Variants in MCTP2 observed in about 807,000 individuals in gnomAD.
MCTP2 encodes multiple C2 and transmembrane domain-containing protein 2.
MCTP2 carries 132 observed loss-of-function variants against 111.6 expected under a neutral mutation model. The observed-to-expected ratio is 1.18, with a 90% CI of 1.03 to 1.37. The LOEUF (loss-of-function observed/expected upper bound fraction) is 1.37. Ranked by LOEUF, MCTP2 falls within the 40% of genes most tolerant of loss-of-function variation. The probability of loss-of-function intolerance (pLI) is 0.00; values close to 1 mark genes in which losing one functional copy is unlikely to be tolerated. For missense variants in MCTP2, 1,183 were observed against 1,067.9 expected (o/e 1.11, Z -1.50); for synonymous variants, 395 against 387.7 (o/e 1.02, Z -0.22).
intron 14 of MCTP2, among the ~76,000 whole-genome samples, chr15:94,397,280 T>C (rs2081326626): frequency 6.6e-6 from 1 of 152,168 alleles, no homozygotes; most frequent in South Asian, 2.1e-4. Context: ...ATTTACCAAA[T>C]TAAAAAATCC....
intron 14 of MCTP2, among the ~76,000 whole-genome samples, chr15:94,390,114 G>GTATATATA (rs1215325329): frequency 5.0e-5 from 1 of 20,090 alleles, no homozygotes; most frequent in Admixed American, 5.2e-4. Flanking sequence ...ATATATATAT[G>GTATATATA]TATATATATA....
At position 94,458,164 on chromosome 15, in the gene MCTP2, A is replaced by G; in HGVS notation, c.2278A>G (p.Arg760Gly). The G allele has an allele frequency of 6.2e-7, 1 of 1,611,150 alleles. No individual in the cohort carries two copies. The highest frequency in any genetic ancestry group is 8.5e-7 in the Non-Finnish European group (1 of 1,177,438). The change falls in exon 20 of 23, where the codon AGA (arginine) becomes GGA (glycine). Residue 760 changes from arginine (R) to glycine (G), a missense_variant. Arg to Gly is a moderately radical substitution (Grantham distance 125). Transcript: ENST00000357742. Reference protein sequence around the residue: ...KESEKKGLIERIYMVQDIVST... With the variant: ...KESEKKGLIEGIYMVQDIVST... The stretch of plus-strand genomic sequence containing the variant: ...ATCTGAGAAAAAGGGGTTGATTGAA[A>G]GAATCTATATGGTACAGGATATTGT...
intron 4 of MCTP2, among the ~76,000 whole-genome samples, chr15:94,334,192 G>A (rs916358795): frequency 6.6e-6 from 1 of 152,166 alleles, no homozygotes. Context: ...GGATCATTCA[G>A]TTCTCAAAAT....
chr15:94,472,288 A>G (rs543256958), intron 21 of MCTP2, among the ~76,000 whole-genome samples: 1 of 152,330 alleles, frequency 6.6e-6, no homozygotes, highest in Non-Finnish European at 1.5e-5. Flanking sequence ...GAGGCATGAG[A>G]ATCGCTTGAA....
At chr15:94,369,023 GTTT>G (rs1464371775) in intron 11 of MCTP2, among the ~76,000 whole-genome samples, 1 of 152,256 alleles carries the variant, frequency 6.6e-6, no homozygotes, top group East Asian at 1.9e-4. Flanking sequence ...CCCTGGATTT[GTTT>G]TTTAAGTTAT....
At chr15:94,355,007 A>C (rs1214054913) in intron 8 of MCTP2, among the ~76,000 whole-genome samples, 1 of 152,204 alleles carries the variant, frequency 6.6e-6, no homozygotes, top group Non-Finnish European at 1.5e-5. Context: ...AAAGAAGCCT[A>C]TGCTTGTGTT....
chr15:94,437,909 G>T (rs2083566713), intron 17 of MCTP2, among the ~76,000 whole-genome samples: 1 of 151,828 alleles, frequency 6.6e-6, no homozygotes, highest in Non-Finnish European at 1.5e-5. Flanking sequence ...GTAAAAGATG[G>T]CTGTAAGGAA....
At chr15:94,451,249 C>A (rs2084435975) in intron 19 of MCTP2, among the ~76,000 whole-genome samples, 1 of 152,062 alleles carries the variant, frequency 6.6e-6, no homozygotes. Context: ...AGTTAGTTTA[C>A]TTTTCTCACA....
At chr15:94,367,848 A>T (rs1203066904) in intron 11 of MCTP2, 57 bp downstream of exon 11, 1 of 1,435,172 alleles carries the variant, frequency 7.0e-7, no homozygotes, top group Non-Finnish European at 9.4e-7. Flanking sequence ...TTTTAAAACA[A>T]AGTCTTTATT....
intron 17 of MCTP2, chr15:94,402,245 C>G (rs1023511813): frequency 1.1e-6 from 1 of 949,618 alleles, no homozygotes; most frequent in African/African-American, 1.8e-5. Flanking sequence ...AAATGTTTCT[C>G]CAGTTGTTGT....
At chr15:94,284,706 A>G (rs1032265806) in intron 1 of MCTP2, among the ~76,000 whole-genome samples, 6 of 152,230 alleles carry the variant, frequency 3.9e-5, no homozygotes, top group African/African-American at 1.2e-4. Context: ...AAGTCTTCAC[A>G]GAGATGTTCA....
chr15:94,464,237 A>G (rs917249079), intron 20 of MCTP2, among the ~76,000 whole-genome samples: 1 of 57,810 alleles, frequency 1.7e-5, no homozygotes, highest in Admixed American at 2.0e-4. Context: ...GTTTATATAT[A>G]TAATATATAT....
intron 1 of MCTP2, among the ~76,000 whole-genome samples, chr15:94,257,525 A>G (rs2072856758): frequency 6.9e-6 from 1 of 145,872 alleles, no homozygotes; most frequent in Non-Finnish European, 1.5e-5. Flanking sequence ...GGGCTTTTTC[A>G]GAACTATCAC....
chr15:94,396,003 T>C (rs1238982127), intron 14 of MCTP2, among the ~76,000 whole-genome samples: 3 of 152,212 alleles, frequency 2.0e-5, no homozygotes, highest in Non-Finnish European at 2.9e-5. Context: ...TTAAATCTGT[T>C]ATTACTGTCC....
At chr15:94,265,842 C>G (rs2073489047) in intron 1 of MCTP2, among the ~76,000 whole-genome samples, 1 of 152,110 alleles carries the variant, frequency 6.6e-6, no homozygotes, top group Non-Finnish European at 1.5e-5. Flanking sequence ...ATAATTAAAT[C>G]CTTATTTTTT....
At chr15:94,274,984 T>C (rs1272788406) in intron 1 of MCTP2, among the ~76,000 whole-genome samples, 1 of 152,202 alleles carries the variant, frequency 6.6e-6, no homozygotes, top group East Asian at 1.9e-4. Flanking sequence ...CCAGTGGAAT[T>C]TATTTCAGCA....
At chr15:94,418,367 T>C (rs2082470360) in intron 17 of MCTP2, among the ~76,000 whole-genome samples, 1 of 152,156 alleles carries the variant, frequency 6.6e-6, no homozygotes, top group East Asian at 1.9e-4. Context: ...TTATGGAGAA[T>C]AAATAAATGT....
chr15:94,384,100 C>A lies in MCTP2; in HGVS notation c.1661C>A (p.Pro554His). 1 of 1,613,572 alleles carries A rather than the reference C, an allele frequency of 6.2e-7. No individual in the cohort carries two copies. Among genetic ancestry groups the A allele is most frequent in the East Asian group, 2.2e-5 (1 of 44,774 alleles). The stretch of plus-strand genomic sequence containing the variant: ...CATACCGTCTACAAAAACCTCAACC[C>A]TGAATGGAACAAAGTTTTTACATTG... ...QTHTVYKNLN[P>H]EWNKVFTFPI... The change falls in exon 13 of 23, where the codon CCT becomes CAT. Residue 554 changes from proline to histidine, a missense_variant. Transcript: ENST00000357742.
chr15:94,470,520 A>C, intron 21 of MCTP2, 78 bp downstream of exon 21: 1 of 1,025,030 alleles, frequency 9.8e-7, no homozygotes, highest in East Asian at 2.4e-5. Context: ...TGCGACTATT[A>C]ATTTTAAATG....
Sources: allele counts gnomAD v4.1 joint callset (sites outside exome capture counted in the v4.1 genomes callset), GRCh38; gene constraint gnomAD v4.1.1; transcripts MANE v1.5; gene names NCBI Gene and HGNC (gene_info 2026-07-23, HGNC 2026-07-21).